Variants in ZNF461 observed in about 807,000 individuals in gnomAD.
ZNF461 encodes the protein zinc finger protein 461, also known as gonadotropin-inducible ovarian transcription factor-1.
A neutral mutation model predicts 18.3 loss-of-function variants in ZNF461; 16 were observed. The ratio of observed to expected loss-of-function variants is 0.88; its 90% confidence interval spans 0.59 to 1.33. ZNF461 has a LOEUF of 1.33. Ranked by LOEUF, ZNF461 falls within the 40% of genes most tolerant of loss-of-function variation. The probability of loss-of-function intolerance (pLI) is 0.00; values close to 1 mark genes in which losing one functional copy is unlikely to be tolerated. For synonymous variants in ZNF461, 179 were observed against 216.9 expected, an observed-to-expected ratio of 0.83 and a Z score of 1.54; for missense variants, 595 against 669.9, an observed-to-expected ratio of 0.89 and a Z score of 1.23.
intron 5 of ZNF461, among the ~76,000 whole-genome samples, chr19:36,643,096 A>G (rs774850849): frequency 2.6e-5 from 4 of 152,052 alleles, no homozygotes; most frequent in African/African-American, 7.2e-5. Context: ...CAACCACTAC[A>G]CTCATACACA....
chr19:36,661,748 T>C (rs947640312), intron 2 of ZNF461, among the ~76,000 whole-genome samples: 2 of 151,806 alleles, frequency 1.3e-5, no homozygotes, highest in African/African-American at 4.9e-5. Flanking sequence ...TAAAGAGAAA[T>C]GATACAGGAT....
chr19:36,643,278 C>T (rs751351280), intron 5 of ZNF461: 1 of 152,178 alleles, frequency 6.6e-6, no homozygotes, highest in Non-Finnish European at 1.5e-5. Context: ...CCTTACCCAC[C>T]AAAGGTAGGC....
intron 4 of ZNF461, among the ~76,000 whole-genome samples, chr19:36,644,325 A>G (rs1264372500): frequency 3.3e-5 from 5 of 150,532 alleles, no homozygotes; most frequent in African/African-American, 9.8e-5. Flanking sequence ...CTGGAGTGCA[A>G]TGGTGCGATC....
intron 4 of ZNF461, among the ~76,000 whole-genome samples, chr19:36,646,730 C>T (rs758944493): frequency 6.6e-6 from 1 of 152,096 alleles, no homozygotes; most frequent in East Asian, 1.9e-4. Flanking sequence ...GTGAGATCCA[C>T]GTGTCTTCTT....
intron 2 of ZNF461, among the ~76,000 whole-genome samples, chr19:36,661,290 A>AG (rs1183531544): frequency 6.6e-6 from 1 of 151,872 alleles, no homozygotes; most frequent in East Asian, 1.9e-4. Context: ...TAAAAAAAAA[A>AG]AAGAGTACCC....
intron 4 of ZNF461, among the ~76,000 whole-genome samples, chr19:36,655,545 G>C (rs1015787216): frequency 4.6e-5 from 7 of 152,182 alleles, no homozygotes; most frequent in Admixed American, 2.6e-4. Context: ...GTTGCAGTGA[G>C]CTGAGTTTGC....
chr19:36,658,299 C>G lies in ZNF461; in HGVS notation c.136G>C (p.Gly46Arg). ...GTTCTTAATTTTTAGATAACTTTACCAAGTGACACCAAGTTGCTATAATTC... is the reference window on the plus strand; with the variant it reads ...GTTCTTAATTTTTAGATAACTTTACGAAGTGACACCAAGTTGCTATAATTC... Reference protein sequence around the residue: ...LENYSNLVSLGLSVSKPAVIS... With the variant: ...LENYSNLVSLRLSVSKPAVIS... Residue 46 changes from glycine (G) to arginine (R), a missense_variant and splice_region_variant, in exon 3 of 6, where the codon GGA (glycine) becomes CGA (arginine). By Grantham distance (125) the Gly-to-Arg change is moderately radical. Transcript: ENST00000588268. 6.2e-7 allele frequency: 1 copy of G among 1,604,922 alleles called. No individual in the cohort carries two copies. The highest frequency in any genetic ancestry group is 8.5e-7 in the Non-Finnish European group (1 of 1,175,432).
chr19:36,638,937 C>A lies in ZNF461; in HGVS notation c.1408G>T (p.Glu470Ter). Residue 470 changes from glutamate to a stop codon, truncating the protein, a stop_gained, in exon 6 of 6, where the codon GAA (glutamate) becomes TAA (stop). Transcript: ENST00000588268. LOFTEE classifies it low-confidence loss of function (END_TRUNC). ...QRIHTGEKPH[E>*]CMICGKAFRL... Reference sequence around the variant, plus strand: ...AAGGCCTTACCACATATCATGCATTCATGAGGTTTCTCACCAGTATGAATT... The same window carrying A: ...AAGGCCTTACCACATATCATGCATTAATGAGGTTTCTCACCAGTATGAATT... The A allele has an allele frequency of 6.2e-7, 1 of 1,607,504 alleles. No homozygotes were observed. Among genetic ancestry groups the A allele is most frequent in the Non-Finnish European group, 8.5e-7 (1 of 1,175,096 alleles).
At chr19:36,654,880 T>G (rs1423967554) in intron 4 of ZNF461, among the ~76,000 whole-genome samples, 2 of 152,178 alleles carry the variant, frequency 1.3e-5, no homozygotes, top group African/African-American at 4.8e-5. Flanking sequence ...GCCTAGTGAT[T>G]CTATTAGAAC....
chr19:36,645,412 T>C (rs906073254), intron 4 of ZNF461, among the ~76,000 whole-genome samples: 2 of 152,236 alleles, frequency 1.3e-5, no homozygotes, highest in African/African-American at 4.8e-5. Context: ...AGCACCAATG[T>C]AAATAAATAT....
chr19:36,657,016 GC>G (rs35912338), intron 3 of ZNF461, among the ~76,000 whole-genome samples: 6,959 of 151,732 alleles, frequency 0.046, 452 homozygotes, highest in African/African-American at 0.14. Flanking sequence ...ACGGGGTTTG[GC>G]CCATATTGGC....
intron 1 of ZNF461, among the ~76,000 whole-genome samples, chr19:36,665,068 C>T (rs1055300481): frequency 1.3e-5 from 2 of 152,082 alleles, no homozygotes; most frequent in Admixed American, 6.6e-5. Context: ...ATGATGAAAT[C>T]GAAGCCAGGA....
Position 36,639,598 on chromosome 19 carries a change from T to A in ZNF461, c.747A>T (p.Lys249Asn), listed in dbSNP as rs1197585166. 6.2e-7 allele frequency: 1 copy of A among 1,613,360 alleles called. No homozygotes were observed. Among genetic ancestry groups the A allele is most frequent in the Non-Finnish European group, 8.5e-7 (1 of 1,179,464 alleles). Residue 249 changes from lysine to asparagine, a missense_variant, in exon 6 of 6, where the codon AAA becomes AAT. Lys to Asn is a moderately conservative substitution (Grantham distance 94). Coordinates refer to ENST00000588268, the MANE Select transcript of ZNF461 (RefSeq NM_153257.5). ...IQNGDKCNECKECWKAFVHCS... is the reference protein window; with the variant it reads ...IQNGDKCNECNECWKAFVHCS... ...AATGAACAAAGGCCTTCCAACATTC[T>A]TTACACTCATTGCATTTGTCACCAT...
intron 2 of ZNF461, among the ~76,000 whole-genome samples, chr19:36,659,295 C>T (rs1017174098): frequency 2.8e-4 from 42 of 152,192 alleles, no homozygotes; most frequent in African/African-American, 8.7e-4. Flanking sequence ...CAGAGCTGAG[C>T]GATCCCTACT....
intron 4 of ZNF461, among the ~76,000 whole-genome samples, chr19:36,644,657 G>A (rs978252417): frequency 1.3e-5 from 2 of 151,524 alleles, no homozygotes; most frequent in African/African-American, 2.4e-5. Flanking sequence ...GTACGGTGGC[G>A]CAATCTCGGC....
chr19:36,665,070 A>AAG (rs767403992), intron 1 of ZNF461, among the ~76,000 whole-genome samples: 7 of 152,210 alleles, frequency 4.6e-5, no homozygotes, highest in Non-Finnish European at 8.8e-5. Context: ...GATGAAATCG[A>AAG]AGCCAGGATC....
In ZNF461 at chr19:36,639,703, A is replaced by G; in HGVS notation, c.642T>C (p.His214=). ...CTTTACATTCAGAAAGTTCTTTAGA[A>G]TGAGTTCTTTTGTGGTGACTAAAAA... ...HLFFSHHKRT[H]SKELSECKEC... Residue 214 remains histidine, a synonymous_variant, in exon 6 of 6, where the codon CAT becomes CAC. Transcript: ENST00000588268. 1 of 1,613,846 alleles carries G rather than the reference A, an allele frequency of 6.2e-7. No individual in the cohort carries two copies. Among genetic ancestry groups the G allele is most frequent in the Non-Finnish European group, 8.5e-7 (1 of 1,179,792 alleles).
At chr19:36,663,228 GCTGGTCTAA>G (rs1382752612) in intron 2 of ZNF461, among the ~76,000 whole-genome samples, 4 of 152,102 alleles carry the variant, frequency 2.6e-5, no homozygotes, top group Non-Finnish European at 4.4e-5. Flanking sequence ...TGTTGGCAAG[GCTGGTCTAA>G]CTCCTGTCCT....
intron 4 of ZNF461, among the ~76,000 whole-genome samples, chr19:36,653,839 A>G (rs2037670476): frequency 6.6e-6 from 1 of 152,202 alleles, no homozygotes; most frequent in South Asian, 2.1e-4. Context: ...GAGAAATGGG[A>G]TAAGTATAGC....
Sources: gnomAD v4.1 joint callset for allele counts (sites outside exome capture counted in the v4.1 genomes callset) on GRCh38, gnomAD v4.1.1 for gene constraint, MANE v1.5 for transcripts, NCBI Gene and HGNC (gene_info 2026-07-23, HGNC 2026-07-21) for gene names.